The following CSPG4 variants were observed in gnomAD, a reference collection of about 807,000 sequenced individuals.
The protein encoded by CSPG4 is chondroitin sulfate proteoglycan 4 (melanoma-associated).
A neutral mutation model predicts 139.3 loss-of-function variants in CSPG4; 74 were observed. That is an observed-to-expected ratio of 0.53 (90% CI 0.44 to 0.64). The LOEUF is 0.64. CSPG4 is among the 30% of genes least tolerant of loss of function. CSPG4 has a pLI of 0.00. For synonymous variants in CSPG4, 1,234 were observed against 1,394.2 expected, an observed-to-expected ratio of 0.89 and a Z score of 2.56; for missense variants, 2,565 against 3,148.3, an observed-to-expected ratio of 0.81 and a Z score of 4.43.
At position 75,689,495 on chromosome 15, in the gene CSPG4, C is replaced by G; in HGVS notation, c.1570G>C (p.Val524Leu). ...TSDQLVLEVSVTARVPMPSCL... is the reference protein window; with the variant it reads ...TSDQLVLEVSLTARVPMPSCL... ...GAGGGCATGGGCACCCGAGCCGTCA[C>G]CGACACCTCCAGCACCAGCTGGTCG... Residue 524 changes from valine (V) to leucine (L), a missense_variant, in exon 3 of 10, where the codon GTG becomes CTG. Physicochemically the swap from Val to Leu is conservative, Grantham distance 32. Coordinates refer to ENST00000308508, the MANE Select transcript of CSPG4 (RefSeq NM_001897.5). 6.2e-7 allele frequency: 1 copy of G among 1,612,832 alleles called. No homozygotes were observed. Among genetic ancestry groups the G allele is most frequent in the Non-Finnish European group, 8.5e-7 (1 of 1,179,870 alleles).
chr15:75,710,445 C>T (rs921785059), intron 1 of CSPG4, among the ~76,000 whole-genome samples: 4 of 152,166 alleles, frequency 2.6e-5, no homozygotes, highest in Admixed American at 6.5e-5. Flanking sequence ...GCCTAGGCCC[C>T]GACGCAGGCT....
chr15:75,694,529 G>A (rs1167600257), intron 1 of CSPG4, among the ~76,000 whole-genome samples: 1 of 152,222 alleles, frequency 6.6e-6, no homozygotes. Flanking sequence ...AGCCCCATGT[G>A]CTGGTCCCTG....
Position 75,685,288 on chromosome 15 carries a change from G to T in CSPG4, c.4203C>A (p.Pro1401=). 6.3e-7 allele frequency: 1 copy of T among 1,579,100 alleles called. No individual in the cohort carries two copies. Among genetic ancestry groups the T allele is most frequent in the Non-Finnish European group, 8.6e-7 (1 of 1,160,294 alleles). ...LGLSLQVLEP[P]QHGALQKEDG... is the part of the protein sequence containing the mutation. ...CCTCCTTCTGCAGGGCTCCATGCTG[G>T]GGTGGCTCCAGCACCTGCAGGCTGA... Residue 1401 remains proline (P), a synonymous_variant, in exon 4 of 10, where the codon CCC becomes CCA. Transcript: ENST00000308508.
rs765598057 is a variant in CSPG4, at chr15:75,682,904, A to T, written c.4587T>A (p.Thr1529=). ...GGGCCTGCGTGAAGCTGCGCACCTC[A>T]GTGCCCGGCGCCCCCCGCAGCACTA... ...GRVVLRGAPG[T]EVRSFTQAQL... Residue 1529 remains threonine, a synonymous_variant, in exon 6 of 10, where the codon ACT becomes ACA. Coordinates refer to ENST00000308508, the MANE Select transcript of CSPG4 (RefSeq NM_001897.5). 6 of 1,610,870 alleles carry T rather than the reference A, an allele frequency of 3.7e-6. No homozygotes were observed. In the East Asian group the frequency reaches 1.1e-4, roughly 30 times the overall value.
At chr15:75,706,779 C>T (rs57613948) in intron 1 of CSPG4, among the ~76,000 whole-genome samples, 8 of 151,974 alleles carry the variant, frequency 5.3e-5, no homozygotes, top group Non-Finnish European at 7.4e-5. Context: ...TCAGCCAGTC[C>T]GTGGGACACA....
intron 1 of CSPG4, among the ~76,000 whole-genome samples, chr15:75,700,458 T>C (rs1894286642): frequency 6.6e-6 from 1 of 152,130 alleles, no homozygotes; most frequent in Non-Finnish European, 1.5e-5. Flanking sequence ...CCTCTGTGGC[T>C]CTGGGGCTGG....
intron 8 of CSPG4, chr15:75,678,719 C>T (rs1418116519): frequency 4.4e-6 from 2 of 456,158 alleles, no homozygotes; most frequent in Admixed American, 2.3e-5. Flanking sequence ...CTTCTCTTTG[C>T]AGCAAAACTT....
In CSPG4 at chr15:75,676,852, C is replaced by A; in HGVS notation, c.5667G>T (p.Gly1889=). 6.4e-7 allele frequency: 1 copy of A among 1,568,938 alleles called. No homozygotes were observed. Among genetic ancestry groups the A allele is most frequent in the Non-Finnish European group, 8.6e-7 (1 of 1,158,640 alleles). Reference sequence around the variant, plus strand: ...CGGCTTGCGTGAAGCGGGTCACGGGCCCCAGGCCACCACCCACCAGGCTGA... The same window carrying A: ...CGGCTTGCGTGAAGCGGGTCACGGGACCCAGGCCACCACCCACCAGGCTGA... The part of the protein sequence containing the change: ...GFLSLVGGGL[G]PVTRFTQADV... The change falls in exon 10 of 10, where the codon GGG becomes GGT. Residue 1889 remains glycine, a synonymous_variant. Coordinates refer to ENST00000308508, the MANE Select transcript of CSPG4 (RefSeq NM_001897.5).
rs1266120344 is a variant in CSPG4 at position 75,696,527 on chromosome 15, G to A, written c.89-3294C>T. On this transcript the variant is annotated intron_variant, in intron 1 of 9. Coordinates refer to ENST00000308508, the MANE Select transcript of CSPG4 (RefSeq NM_001897.5). The surrounding 1 kb of genome is among the most constrained non-coding windows in gnomAD (Gnocchi z 4.2). ...GTTTGTGTGTGTGTGCGCGTGTGTG[G>A]GCCGGGAGCTGCCAGGACAGAGCAA... Among the ~76,000 whole-genome samples, 1 of 152,070 alleles carries A rather than the reference G, an allele frequency of 6.6e-6. No homozygotes were observed. The highest frequency in any genetic ancestry group is 1.5e-5 in the Non-Finnish European group (1 of 67,970).
Position 75,689,867 on chromosome 15 carries a change from T to G in CSPG4, c.1198A>C (p.Thr400Pro), listed in dbSNP as rs1596009520. The G allele has an allele frequency of 2.5e-6, 4 of 1,611,860 alleles. No homozygotes were observed. The Admixed American group carries it at 5.0e-5, about 20-fold the overall frequency. ...GCTGGCCAAGCCTCAGGGGCCAGGG[T>G]GGAGAAAGCTTCATAATGTCCATAG... The part of the protein sequence containing the change: ...DAYGHYEAFS[T>P]LAPEAWPAME... Residue 400 changes from threonine to proline, a missense_variant, in exon 3 of 10, where the codon ACC (threonine) becomes CCC (proline). Transcript: ENST00000308508.
Position 75,689,820 on chromosome 15 carries a change from G to T in CSPG4, c.1245C>A (p.Cys415Ter). The change falls in exon 3 of 10, where the codon TGC becomes TGA. Residue 415 changes from cysteine to a stop codon, truncating the protein, a stop_gained. Transcript: ENST00000308508. LOFTEE classifies it high-confidence loss of function. ...CAGGAGGCAGCCCTGGCTCAGGCAC[G>T]CATGGCTCAGGCAGCTCCATGGCTG... ...AWPAMELPEP[C>*]VPEPGLPPVF... The T allele has an allele frequency of 6.2e-7, 1 of 1,612,680 alleles. No homozygotes were observed. The highest frequency in any genetic ancestry group is 8.5e-7 in the Non-Finnish European group (1 of 1,179,742).
chr15:75,701,743 T>C lies in CSPG4; in HGVS notation c.89-8510A>G, dbSNP rs529324407. Among the ~76,000 whole-genome samples the C allele has an allele frequency of 1.3e-3, 196 of 150,864 alleles. 1 individual carries two copies. Among genetic ancestry groups the C allele is most frequent in the African/African-American group, 4.4e-3 (181 of 41,248 alleles). The stretch of plus-strand genomic sequence containing the variant: ...ACTGCCAGTGTCCCTCAGATGTCCA[T>C]GGCAGGAACACCCACAGGAACCCCC... On this transcript the variant is annotated intron_variant, in intron 1 of 9. Transcript: ENST00000308508.
chr15:75,676,853 C>T lies in CSPG4; in HGVS notation c.5666G>A (p.Gly1889Glu). 1 of 1,571,910 alleles carries T rather than the reference C, an allele frequency of 6.4e-7. No individual in the cohort carries two copies. Among genetic ancestry groups the T allele is most frequent in the Non-Finnish European group, 8.6e-7 (1 of 1,159,660 alleles). The change falls in exon 10 of 10, where the codon GGG (glycine) becomes GAG (glutamate). Residue 1889 changes from glycine to glutamate, a missense_variant. Physicochemically the swap from Gly to Glu is moderately conservative, Grantham distance 98. This residue lies in a region of CSPG4 where 2,316 missense variants were observed against 2,818.2 expected (regional missense o/e 0.82). Coordinates refer to ENST00000308508, the MANE Select transcript of CSPG4 (RefSeq NM_001897.5). ...GGCTTGCGTGAAGCGGGTCACGGGC[C>T]CCAGGCCACCACCCACCAGGCTGAG... The part of the protein sequence containing the change: ...GFLSLVGGGL[G>E]PVTRFTQADV...
intron 4 of CSPG4, 101 bp downstream of exon 4, chr15:75,685,118 C>G: frequency 6.9e-7 from 1 of 1,450,854 alleles, no homozygotes; most frequent in African/African-American, 1.4e-5. Flanking sequence ...GACTCCCCGT[C>G]TCCTCTCTGT....
Position 75,689,592 on chromosome 15 carries a change from T to C in CSPG4, c.1473A>G (p.Arg491=). The part of the protein sequence containing the change: ...LELDIPGAQA[R]KMFTLLDVVN... ...CCACGTCCAGGAGGGTGAACATTTT[T>C]CGTGCCTGGGCTCCCGGGATGTCCA... The change falls in exon 3 of 10, where the codon CGA becomes CGG. Residue 491 remains arginine (R), a synonymous_variant. Coordinates refer to ENST00000308508, the MANE Select transcript of CSPG4 (RefSeq NM_001897.5). The C allele has an allele frequency of 6.2e-7, 1 of 1,612,760 alleles. No individual in the cohort carries two copies. The highest frequency in any genetic ancestry group is 8.5e-7 in the Non-Finnish European group (1 of 1,179,820).
chr15:75,702,694 G>A (rs1773498241), intron 1 of CSPG4, among the ~76,000 whole-genome samples: 1 of 152,268 alleles, frequency 6.6e-6, no homozygotes, highest in Non-Finnish European at 1.5e-5. Flanking sequence ...GCCTGGGAGG[G>A]CTCGAGGGAC....
intron 4 of CSPG4, 56 bp from the exon 5 acceptor site, chr15:75,684,968 C>T: frequency 1.3e-6 from 2 of 1,530,246 alleles, no homozygotes; most frequent in Non-Finnish European, 1.8e-6. Context: ...TCATGCCCTG[C>T]CTTTGGGTGC....
rs1894125537 is a variant in CSPG4, at chr15:75,689,466, G to C, written c.1599C>G (p.Cys533Trp). 1 of 1,612,710 alleles carries C rather than the reference G, an allele frequency of 6.2e-7. No homozygotes were observed. Among genetic ancestry groups the C allele is most frequent in the Non-Finnish European group, 8.5e-7 (1 of 1,179,874 alleles). Residue 533 changes from cysteine to tryptophan, a missense_variant, in exon 3 of 10, where the codon TGC (cysteine) becomes TGG (tryptophan). Physicochemically the swap from Cys to Trp is radical, Grantham distance 215. Coordinates refer to ENST00000308508, the MANE Select transcript of CSPG4 (RefSeq NM_001897.5). ...SVTARVPMPS[C>W]LRRGQTYLLP... ...GGAGGTATGTTTGGCCCCTCCGAAGGCATGAGGGCATGGGCACCCGAGCCG... is the reference window on the plus strand; with the variant it reads ...GGAGGTATGTTTGGCCCCTCCGAAGCCATGAGGGCATGGGCACCCGAGCCG...
chr15:75,685,813 C>T, intron 3 of CSPG4, 112 bp from the exon 4 acceptor site: 4 of 1,141,564 alleles, frequency 3.5e-6, no homozygotes, highest in Non-Finnish European at 4.8e-6. Flanking sequence ...ACTTATTCCT[C>T]TAGATACCAC....
Sources: allele counts gnomAD v4.1 joint callset (sites outside exome capture counted in the v4.1 genomes callset), GRCh38; gene constraint gnomAD v4.1.1; regional missense constraint gnomAD v4.1.1; non-coding constraint Gnocchi (gnomAD v3.1); transcripts MANE v1.5; gene names NCBI Gene and HGNC (gene_info 2026-07-23, HGNC 2026-07-21).